The following FTCDNL1 variants were observed in gnomAD, a reference collection of about 807,000 sequenced individuals.
The protein encoded by FTCDNL1 is formiminotransferase cyclodeaminase N-terminal like.
Under a neutral mutation model 5.9 loss-of-function variants are expected in FTCDNL1, and 11 were observed. The ratio of observed to expected loss-of-function variants is 1.87; its 90% CI spans 1.18 to 3.10. The LOEUF (loss-of-function observed/expected upper bound fraction) is 3.10, where lower values mean the gene tolerates loss of function less well. Among genes scored for constraint, FTCDNL1 ranks in the 30% most tolerant of loss-of-function variants. FTCDNL1 has a pLI of 0.00. For synonymous variants in FTCDNL1, 58 were observed against 24.8 expected (o/e 2.34, Z -3.99); for missense variants, 115 against 65.5 (o/e 1.76, Z -2.61).
the FTCDNL1 span, among the ~76,000 whole-genome samples, chr2:199,718,759 C>G: frequency 1.3e-5 from 2 of 152,098 alleles, no homozygotes; most frequent in East Asian, 1.9e-4. Context: ...TGGTGTAAGA[C>G]GCTATCTCGT....
the FTCDNL1 span, among the ~76,000 whole-genome samples, chr2:199,697,089 G>A: frequency 1.8e-4 from 28 of 152,124 alleles, no homozygotes; most frequent in South Asian, 3.5e-3. Context: ...TGGCTAACAC[G>A]GTGAAACCCC....
At chr2:199,710,609 A>T in the FTCDNL1 span, among the ~76,000 whole-genome samples, 1 of 152,172 alleles carries the variant, frequency 6.6e-6, no homozygotes, top group Non-Finnish European at 1.5e-5. Flanking sequence ...TGTATGGTGC[A>T]GTAGAAAAGG....
the FTCDNL1 span, among the ~76,000 whole-genome samples, chr2:199,719,542 T>A: frequency 1.3e-5 from 2 of 152,236 alleles, no homozygotes; most frequent in African/African-American, 4.8e-5. Flanking sequence ...TTTAGGGTTG[T>A]TTTTTCTAAT....
the FTCDNL1 span, among the ~76,000 whole-genome samples, chr2:199,724,034 G>T: frequency 6.6e-6 from 1 of 152,010 alleles, no homozygotes; most frequent in African/African-American, 2.4e-5. Context: ...TTGGTTGGTA[G>T]GCTATTTATT....
At chr2:199,759,141 G>GTATATA (rs369553395), downstream of FTCDNL1, among the ~76,000 whole-genome samples, 382 of 150,264 alleles carry the variant, frequency 2.5e-3, 1 homozygote, top group Non-Finnish European at 4.0e-3. Context: ...ATTTGTGTGT[G>GTATATA]TATATATATA....
At chr2:199,829,669 AT>A (rs1702247575) in intron 3 of FTCDNL1, among the ~76,000 whole-genome samples, 1 of 152,236 alleles carries the variant, frequency 6.6e-6, no homozygotes, top group Non-Finnish European at 1.5e-5. Flanking sequence ...GGTATTTAAT[AT>A]CATTCTTTTC....
At chr2:199,830,919 A>G (rs1404597901) in intron 3 of FTCDNL1, among the ~76,000 whole-genome samples, 1 of 152,212 alleles carries the variant, frequency 6.6e-6, no homozygotes, top group Non-Finnish European at 1.5e-5. Flanking sequence ...GAAAAATGAG[A>G]TCAAGTGCAA....
At chr2:199,804,391 C>A (rs1700617751), downstream of FTCDNL1, among the ~76,000 whole-genome samples, 1 of 152,152 alleles carries the variant, frequency 6.6e-6, no homozygotes, top group African/African-American at 2.4e-5. Flanking sequence ...CAAGGAAAGA[C>A]AAGTAACTAT....
At chr2:199,827,169 T>C (rs1448391519) in intron 3 of FTCDNL1, among the ~76,000 whole-genome samples, 1 of 152,094 alleles carries the variant, frequency 6.6e-6, no homozygotes, top group Non-Finnish European at 1.5e-5. Context: ...CTTCAACTAA[T>C]CAGACCTCTG....
chr2:199,794,114 T>C (rs1397657938), intron 3 of FTCDNL1, among the ~76,000 whole-genome samples: 1 of 152,220 alleles, frequency 6.6e-6, no homozygotes, highest in East Asian at 1.9e-4. Flanking sequence ...GTTGAAATTT[T>C]ATAATTCTGG....
chr2:199,825,617 T>A (rs1300644858), intron 3 of FTCDNL1, among the ~76,000 whole-genome samples: 1 of 152,146 alleles, frequency 6.6e-6, no homozygotes, highest in Non-Finnish European at 1.5e-5. Context: ...ACACAAGAGC[T>A]GGTTGTTTAA....
chr2:199,740,894 G>A, the FTCDNL1 span, among the ~76,000 whole-genome samples: 2 of 152,166 alleles, frequency 1.3e-5, no homozygotes, highest in Non-Finnish European at 2.9e-5. Context: ...GACAGGGCTA[G>A]GATCTACTTT....
At chr2:199,793,369 G>A (rs1010751210) in intron 3 of FTCDNL1, among the ~76,000 whole-genome samples, 3 of 151,972 alleles carry the variant, frequency 2.0e-5, no homozygotes, top group Non-Finnish European at 4.4e-5. Context: ...ACGGAGGAGG[G>A]GGGGCATTAC....
intron 3 of FTCDNL1, among the ~76,000 whole-genome samples, chr2:199,837,121 T>C (rs1260950233): frequency 6.6e-6 from 1 of 152,222 alleles, no homozygotes; most frequent in East Asian, 1.9e-4. Context: ...GTACCTCTGT[T>C]TTACAGTAGT....
At chr2:199,674,342 A>G in the FTCDNL1 span, among the ~76,000 whole-genome samples, 2 of 152,164 alleles carry the variant, frequency 1.3e-5, no homozygotes, top group African/African-American at 4.8e-5. Flanking sequence ...CATGTAGGTC[A>G]AGAAGAATGA....
chr2:199,765,798 T>C (rs1372311575), intron 3 of FTCDNL1, among the ~76,000 whole-genome samples: 2 of 151,754 alleles, frequency 1.3e-5, no homozygotes, highest in Non-Finnish European at 2.9e-5. Context: ...CTGCTTCACT[T>C]TCCCAAAGTA....
intron 3 of FTCDNL1, among the ~76,000 whole-genome samples, chr2:199,837,922 T>A (rs1702867337): frequency 6.6e-6 from 1 of 152,206 alleles, no homozygotes; most frequent in Admixed American, 6.5e-5. Context: ...ATTCATTAAC[T>A]ATGGTCTAGA....
the FTCDNL1 span, among the ~76,000 whole-genome samples, chr2:199,730,248 C>T: frequency 6.6e-6 from 1 of 152,012 alleles, no homozygotes; most frequent in Non-Finnish European, 1.5e-5. Context: ...CATAAAAACC[C>T]TAGAAGAAAA....
At chr2:199,763,848 TTTTA>T (rs1325835601) in intron 3 of FTCDNL1, among the ~76,000 whole-genome samples, 33 of 152,314 alleles carry the variant, frequency 2.2e-4, no homozygotes, top group African/African-American at 7.9e-4. Context: ...TTTATTTTTA[TTTTA>T]TTTATTTGAG....
Sources: allele counts gnomAD v4.1 joint callset (sites outside exome capture counted in the v4.1 genomes callset), GRCh38; gene constraint gnomAD v4.1.1; transcripts MANE v1.5; gene names NCBI Gene and HGNC (gene_info 2026-07-23, HGNC 2026-07-21).